The following SUSD1 variants were observed in gnomAD, a reference collection of about 807,000 sequenced individuals.
SUSD1 encodes the protein sushi domain-containing protein 1.
A neutral mutation model predicts 86.9 loss-of-function variants in SUSD1; 65 were observed. That is an observed-to-expected ratio of 0.75 (90% confidence interval 0.61 to 0.92). The LOEUF (loss-of-function observed/expected upper bound fraction) is 0.92. Among genes scored for constraint, SUSD1 ranks in the 40% least tolerant of loss-of-function variants. SUSD1 has a pLI of 0.00. For synonymous variants in SUSD1, 346 were observed against 350.0 expected (o/e 0.99, Z 0.13); for missense variants, 850 against 929.7 (o/e 0.91, Z 1.11).
chr9:112,120,105 C>T (rs1034441269), intron 6 of SUSD1, among the ~76,000 whole-genome samples: 3 of 152,092 alleles, frequency 2.0e-5, no homozygotes, highest in Admixed American at 1.3e-4. Flanking sequence ...AGTTTGAGAC[C>T]GGCCTGGGCA....
chr9:112,149,461 G>A, intron 2 of SUSD1, 62 bp from the exon 3 acceptor site: 1 of 1,579,496 alleles, frequency 6.3e-7, no homozygotes, highest in Non-Finnish European at 8.6e-7. Flanking sequence ...CAACAGCCCA[G>A]ACTGTCCTCC....
chr9:112,102,032 C>T lies in SUSD1; in HGVS notation c.1281+144G>A, dbSNP rs1424857721. 4.3e-5 allele frequency: 21 copies of T among 482,764 alleles called. No individual in the cohort carries two copies. The Admixed American group carries it at 5.1e-4, about 12-fold the overall frequency. The allele number at this position is 482,764 out of a possible 1,614,324, so 29.9% of individuals were successfully genotyped here. A position where few individuals can be genotyped will look rare whatever the true frequency, so the allele number is the denominator to read the frequency against. ...TAGTACCTCATTTACACCCATCTCA[C>T]ATCTTACATCCATCTCTAGAAACAA... On this transcript the variant is annotated intron_variant, in intron 9 of 16. Coordinates refer to ENST00000374270, the MANE Select transcript of SUSD1 (RefSeq NM_022486.5).
intron 10 of SUSD1, among the ~76,000 whole-genome samples, chr9:112,097,094 T>C (rs142086043): frequency 2.0e-5 from 3 of 152,052 alleles, no homozygotes; most frequent in Admixed American, 6.5e-5. Flanking sequence ...GGAGGCTGAA[T>C]TGGAAGACCT....
chr9:112,151,286 T>C (rs1833032317), intron 2 of SUSD1, among the ~76,000 whole-genome samples: 1 of 152,162 alleles, frequency 6.6e-6, no homozygotes, highest in Admixed American at 6.5e-5. Context: ...ACACATAGGC[T>C]ACACTAAATT....
chr9:112,065,733 C>T (rs1828947871), intron 12 of SUSD1, among the ~76,000 whole-genome samples: 1 of 152,212 alleles, frequency 6.6e-6, no homozygotes, highest in South Asian at 2.1e-4. Flanking sequence ...GGTTCTATCA[C>T]TTATACCTCC....
rs1189181669 is a variant in SUSD1, at chr9:112,140,197, C to G, written c.706+2123G>C. On this transcript the variant is annotated intron_variant, in intron 5 of 16. Transcript: ENST00000374270. ...CTAACAAGGTGAAACCCCGTCTCTA[C>G]CAAAAATACAAAAAATTAGCCGGGC... 7.1e-5 allele frequency among the ~76,000 whole-genome samples: 9 copies of G among 127,068 alleles called. No homozygotes were observed. In the East Asian group the frequency reaches 1.6e-3, roughly 22 times the overall value. 83.4% of individuals were successfully genotyped at this position (127,068 alleles called of 152,430 possible).
intron 3 of SUSD1, 92 bp downstream of exon 3, chr9:112,149,152 C>A: frequency 6.6e-7 from 1 of 1,513,456 alleles, no homozygotes; most frequent in Non-Finnish European, 9.0e-7. Flanking sequence ...TCTAACAAAA[C>A]TAACATTAAT....
chr9:112,082,572 C>T lies in SUSD1; in HGVS notation c.1475-2407G>A, dbSNP rs190803918. Among the ~76,000 whole-genome samples, 396 of 152,140 alleles carry T rather than the reference C, an allele frequency of 2.6e-3. 1 individual carries two copies. Among genetic ancestry groups the T allele is most frequent in the Non-Finnish European group, 4.8e-3 (329 of 67,992 alleles). ...GGCAGGATCTAGAAACTGGAAAGGG[C>T]GTGGAAATAGATTCTCCCCTAGATA... On this transcript the variant is annotated intron_variant, in intron 10 of 16. Coordinates refer to ENST00000374270, the MANE Select transcript of SUSD1 (RefSeq NM_022486.5).
intron 6 of SUSD1, among the ~76,000 whole-genome samples, chr9:112,121,428 G>A (rs760298427): frequency 1.1e-4 from 17 of 152,182 alleles, no homozygotes; most frequent in Non-Finnish European, 1.9e-4. Context: ...GTATGTGTAT[G>A]TGCATACCTT....
chr9:112,085,139 A>C (rs1015103192), intron 10 of SUSD1, among the ~76,000 whole-genome samples: 4 of 152,224 alleles, frequency 2.6e-5, no homozygotes, highest in Admixed American at 2.6e-4. Context: ...ATGATTGTTC[A>C]AATGCAATCA....
At chr9:112,170,619 T>A (rs1833997354) in intron 1 of SUSD1, among the ~76,000 whole-genome samples, 1 of 151,460 alleles carries the variant, frequency 6.6e-6, no homozygotes, top group Admixed American at 6.6e-5. Context: ...CAAAACATCT[T>A]TGATGCCAAT....
intron 13 of SUSD1, among the ~76,000 whole-genome samples, chr9:112,062,191 A>T (rs10046809): frequency 6.6e-6 from 1 of 151,894 alleles, no homozygotes; most frequent in Non-Finnish European, 1.5e-5. Context: ...CCCAAGATCA[A>T]CCTTACATAA....
chr9:112,155,399 T>C (rs1833253740), intron 2 of SUSD1, among the ~76,000 whole-genome samples: 1 of 152,046 alleles, frequency 6.6e-6, no homozygotes. Context: ...TGAGAAGCAT[T>C]AGGAGAAATT....
chr9:112,109,921 T>C (rs952310530), intron 8 of SUSD1, among the ~76,000 whole-genome samples: 6 of 152,226 alleles, frequency 3.9e-5, no homozygotes, highest in African/African-American at 1.4e-4. Flanking sequence ...ATCTCATAGT[T>C]GGTTTTATAT....
chr9:112,163,329 G>A (rs1254820961), intron 1 of SUSD1, among the ~76,000 whole-genome samples: 5 of 151,846 alleles, frequency 3.3e-5, no homozygotes, highest in Non-Finnish European at 5.9e-5. Flanking sequence ...CTAATTTTTT[G>A]TTTTATTTAT....
rs1832934843 is a variant in SUSD1, at chr9:112,149,173, T to G, written c.373+71A>C. ...AAAACTAACATTAATTCCCTAATAT[T>G]AACAAATACACAGCCCAGATACTAT... On this transcript the variant is annotated intron_variant, in intron 3 of 16. Coordinates refer to ENST00000374270, the MANE Select transcript of SUSD1 (RefSeq NM_022486.5). The G allele has an allele frequency of 7.7e-6, 12 of 1,564,914 alleles. No individual in the cohort carries two copies. In the South Asian group the frequency reaches 1.3e-4, roughly 17 times the overall value.
At chr9:112,049,669 T>C (rs1036120169) in intron 15 of SUSD1, among the ~76,000 whole-genome samples, 5 of 152,212 alleles carry the variant, frequency 3.3e-5, no homozygotes, top group Non-Finnish European at 7.3e-5. Flanking sequence ...TCTCTGCAAA[T>C]TACTTTCTGA....
intron 12 of SUSD1, among the ~76,000 whole-genome samples, chr9:112,073,658 C>G (rs906895575): frequency 2.0e-5 from 3 of 151,914 alleles, no homozygotes; most frequent in Admixed American, 2.0e-4. Flanking sequence ...AGGCTAAGGG[C>G]AGGCAGATCA....
At chr9:112,061,867 T>G (rs769694780) in intron 13 of SUSD1, among the ~76,000 whole-genome samples, 5 of 152,130 alleles carry the variant, frequency 3.3e-5, no homozygotes, top group Non-Finnish European at 4.4e-5. Context: ...AAAGGCAATG[T>G]TGGTGAGGCC....
Sources: gnomAD v4.1 joint callset for allele counts (sites outside exome capture counted in the v4.1 genomes callset) on GRCh38, gnomAD v4.1.1 for gene constraint, MANE v1.5 for transcripts, NCBI Gene and HGNC (gene_info 2026-07-23, HGNC 2026-07-21) for gene names.